GTF2F2: variants seen among roughly 807,000 people sequenced by gnomAD.
GTF2F2 encodes the protein ATP-dependent helicase GTF2F2.
Under a neutral mutation model 42.2 loss-of-function variants are expected in GTF2F2, and 23 were observed. That is an observed-to-expected ratio of 0.55 (90% CI 0.39 to 0.77). The LOEUF is 0.77. Among genes scored for constraint, GTF2F2 ranks in the 30% least tolerant of loss-of-function variants. The pLI, the probability that GTF2F2 is intolerant of heterozygous loss-of-function variation, is 0.00. For synonymous variants in GTF2F2, 105 were observed against 100.8 expected, an observed-to-expected ratio of 1.04 and a Z score of -0.25; for missense variants, 261 against 287.2, an observed-to-expected ratio of 0.91 and a Z score of 0.66.
chr13:45,233,768 C>T (rs994408172), intron 5 of GTF2F2, among the ~76,000 whole-genome samples: 1 of 152,024 alleles, frequency 6.6e-6, no homozygotes, highest in Admixed American at 6.6e-5. Context: ...GAAAAGTCAG[C>T]TGGGTGTGAT....
intron 4 of GTF2F2, among the ~76,000 whole-genome samples, chr13:45,170,300 C>G (rs535401719): frequency 3.3e-5 from 5 of 152,356 alleles, no homozygotes; most frequent in Admixed American, 2.6e-4. Flanking sequence ...GTGTGAGCCA[C>G]TGTGCCCAGC....
chr13:45,199,946 C>A (rs907650330), intron 4 of GTF2F2, among the ~76,000 whole-genome samples: 2 of 152,102 alleles, frequency 1.3e-5, no homozygotes, highest in Non-Finnish European at 2.9e-5. Context: ...CTCAAGGGAG[C>A]AAATGTGGTT....
intron 5 of GTF2F2, among the ~76,000 whole-genome samples, chr13:45,233,402 G>A (rs1281265760): frequency 2.0e-5 from 3 of 152,118 alleles, no homozygotes; most frequent in African/African-American, 7.2e-5. Flanking sequence ...AGAAACATGG[G>A]CACGTGTTCA....
chr13:45,165,497 T>C (rs1871246076), intron 4 of GTF2F2, among the ~76,000 whole-genome samples: 1 of 151,638 alleles, frequency 6.6e-6, no homozygotes, highest in South Asian at 2.1e-4. Flanking sequence ...CAGCTGTATA[T>C]TAGTAGAGAA....
At chr13:45,224,068 T>A (rs1204351180) in intron 5 of GTF2F2, among the ~76,000 whole-genome samples, 3 of 152,210 alleles carry the variant, frequency 2.0e-5, no homozygotes, top group Non-Finnish European at 4.4e-5. Flanking sequence ...AATCTAACTT[T>A]CTCTGTAACT....
At chr13:45,246,425 CT>C (rs772242417) in intron 5 of GTF2F2, among the ~76,000 whole-genome samples, 8 of 152,178 alleles carry the variant, frequency 5.3e-5, no homozygotes, top group Admixed American at 2.0e-4. Flanking sequence ...TTAGGCACCA[CT>C]TTCTATTGAA....
intron 4 of GTF2F2, chr13:45,193,322 T>C (rs1872728968): frequency 6.5e-6 from 1 of 154,536 alleles, no homozygotes. Context: ...TGCACATCTG[T>C]TTTGCTCCAG....
chr13:45,230,083 G>A lies in GTF2F2; in HGVS notation c.386+22578G>A, dbSNP rs554230692. 3.3e-5 allele frequency among the ~76,000 whole-genome samples: 5 copies of A among 152,186 alleles called. No homozygotes were observed. The East Asian group carries it at 9.7e-4, about 29-fold the overall frequency. Reference sequence around the variant, plus strand: ...ATAGAAAAATTAGCCGGACGTGGTGGCACACACCTGTAATCCCAGCTACTC... The same window carrying A: ...ATAGAAAAATTAGCCGGACGTGGTGACACACACCTGTAATCCCAGCTACTC... On this transcript the variant is annotated intron_variant, in intron 5 of 7. Transcript: ENST00000340473.
At chr13:45,211,854 G>A (rs1384684935) in intron 5 of GTF2F2, among the ~76,000 whole-genome samples, 1 of 152,056 alleles carries the variant, frequency 6.6e-6, no homozygotes. Flanking sequence ...CCAAAGTGCT[G>A]GGATTACAGG....
rs111670701 is a variant in GTF2F2 at position 45,283,403 on chromosome 13, T to C, written c.631-39T>C. 5.1e-5 allele frequency: 81 copies of C among 1,575,738 alleles called. No homozygotes were observed. The African/African-American group carries it at 7.4e-4, about 14-fold the overall frequency. ...TTATTTTAAGTTTTGTCCCCTGCAT[T>C]TATAATCTCATTTGTTAGGGGTTTT... is the stretch of plus-strand genomic sequence containing the variant. On this transcript the variant is annotated intron_variant, in intron 7 of 7. Transcript: ENST00000340473.
At chr13:45,141,573 T>C (rs1593451121) in intron 2 of GTF2F2, among the ~76,000 whole-genome samples, 1 of 152,192 alleles carries the variant, frequency 6.6e-6, no homozygotes, top group Non-Finnish European at 1.5e-5. Context: ...TGGGTAGTTA[T>C]TCTATGCATT....
At chr13:45,143,581 G>GA (rs1222662454) in intron 2 of GTF2F2, among the ~76,000 whole-genome samples, 36 of 152,326 alleles carry the variant, frequency 2.4e-4, no homozygotes, top group Non-Finnish European at 5.9e-5. Flanking sequence ...TGTGGTGTGG[G>GA]AGGACCTTCC....
In GTF2F2 at chr13:45,191,219, A is replaced by AT. The variant is rs1317561823; in HGVS notation, c.305-16205_305-16204insT. On this transcript the variant is annotated intron_variant, in intron 4 of 7. Coordinates refer to ENST00000340473, the MANE Select transcript of GTF2F2 (RefSeq NM_004128.3). ...ACCCCGTCTCTACTAAAAATACAAAAAAAAAATATATATATATATATATAT... is the reference window on the plus strand; with the variant it reads ...ACCCCGTCTCTACTAAAAATACAAAATAAAAAATATATATATATATATATAT... Among the ~76,000 whole-genome samples the AT allele has an allele frequency of 3.6e-4, 40 of 110,268 alleles. No individual in the cohort carries two copies. The South Asian group carries it at 3.7e-3, about 10-fold the overall frequency. The allele number at this position is 110,268 out of a possible 152,430, so 72.3% of individuals were successfully genotyped here.
At chr13:45,262,216 T>A (rs1876371216) in intron 6 of GTF2F2, among the ~76,000 whole-genome samples, 2 of 152,120 alleles carry the variant, frequency 1.3e-5, no homozygotes, top group East Asian at 1.9e-4. Flanking sequence ...TTCAAAAAAA[T>A]TTTAAAAATT....
At chr13:45,161,072 C>A (rs1593462758) in intron 4 of GTF2F2, among the ~76,000 whole-genome samples, 1 of 152,256 alleles carries the variant, frequency 6.6e-6, no homozygotes, top group South Asian at 2.1e-4. Flanking sequence ...TTTTACTGTT[C>A]ATCAAGGACA....
chr13:45,178,657 G>A (rs938509341), intron 4 of GTF2F2, among the ~76,000 whole-genome samples: 6 of 151,700 alleles, frequency 4.0e-5, no homozygotes, highest in Non-Finnish European at 5.9e-5. Context: ...TACCAAACAT[G>A]TGACTTTAAA....
At chr13:45,210,788 A>G (rs991930339) in intron 5 of GTF2F2, among the ~76,000 whole-genome samples, 3 of 152,218 alleles carry the variant, frequency 2.0e-5, no homozygotes, top group South Asian at 2.1e-4. Context: ...ACAGTGTGCT[A>G]TAACTATTAA....
intron 4 of GTF2F2, among the ~76,000 whole-genome samples, chr13:45,191,224 A>AAAAAATATATATATATATATATATATAT: frequency 8.0e-5 from 6 of 75,306 alleles, no homozygotes; most frequent in South Asian, 3.9e-4. Flanking sequence ...ACAAAAAAAA[A>AAAAAATATATATATATATATATATATAT]ATATATATAT....
chr13:45,170,395 A>G (rs1166184483), intron 4 of GTF2F2, among the ~76,000 whole-genome samples: 2 of 152,196 alleles, frequency 1.3e-5, no homozygotes, highest in Admixed American at 6.5e-5. Flanking sequence ...CTCCCACTTA[A>G]CATCTTTTAA....
Sources: allele counts gnomAD v4.1 joint callset (sites outside exome capture counted in the v4.1 genomes callset), GRCh38; gene constraint gnomAD v4.1.1; transcripts MANE v1.5; gene names NCBI Gene and HGNC (gene_info 2026-07-23, HGNC 2026-07-21).